The following LGMN variants were observed in gnomAD, a reference collection of about 807,000 sequenced individuals.
LGMN encodes legumain.
Under a neutral mutation model 56.8 loss-of-function variants are expected in LGMN, and 36 were observed. The observed-to-expected ratio is 0.63, with a 90% CI of 0.49 to 0.84. LGMN has a LOEUF of 0.84. Ranked by LOEUF, LGMN falls within the 40% of genes least tolerant of loss-of-function variation. The pLI is 0.00. For synonymous variants in LGMN, 199 were observed against 210.1 expected, an observed-to-expected ratio of 0.95 and a Z score of 0.46; for missense variants, 446 against 556.1, an observed-to-expected ratio of 0.80 and a Z score of 1.99.
chr14:92,709,809 G>C lies in LGMN; in HGVS notation c.883C>G (p.Pro295Ala), dbSNP rs779339486. The C allele has an allele frequency of 6.2e-7, 1 of 1,613,886 alleles. No homozygotes were observed. The highest frequency in any genetic ancestry group is 1.7e-5 in the Admixed American group (1 of 59,980). The change falls in exon 11 of 14, where the codon CCC becomes GCC. Residue 295 changes from proline (P) to alanine (A), a missense_variant. Physicochemically the swap from Pro to Ala is conservative, Grantham distance 27. Transcript: ENST00000334869. ...GMKRKASSPV[P>A]LPPVTHLDLT... ...TCAAGGTGTGTGACTGGAGGTAGGG[G>C]GACGGGAGAACTGGCTTTGCGTTTC...
At chr14:92,718,314 C>G (rs1224133112) in intron 3 of LGMN, among the ~76,000 whole-genome samples, 2 of 152,142 alleles carry the variant, frequency 1.3e-5, no homozygotes, top group African/African-American at 2.4e-5. Flanking sequence ...TGGCTCACAT[C>G]TGTAATCCCA....
Position 92,714,100 on chromosome 14 carries a change from G to A in LGMN, c.481-215C>T, listed in dbSNP as rs919568327. Among the ~76,000 whole-genome samples, 7 of 152,122 alleles carry A rather than the reference G, an allele frequency of 4.6e-5. No individual in the cohort carries two copies. Among genetic ancestry groups the A allele is most frequent in the Admixed American group, 2.6e-4 (4 of 15,266 alleles). On this transcript the variant is annotated intron_variant, in intron 6 of 13. Coordinates refer to ENST00000334869, the MANE Select transcript of LGMN (RefSeq NM_005606.7). The surrounding 1 kb of genome is among the most constrained non-coding windows in gnomAD (Gnocchi z 5.1). ...TACCTCTTCACCCATTACTTTGTCC[G>A]GAGCTTTTGGTCTATTCTCAGGTCT...
chr14:92,742,189 C>G lies in LGMN; in HGVS notation c.-30+6300G>C, dbSNP rs1008903047. Among the ~76,000 whole-genome samples the G allele has an allele frequency of 5.3e-5, 8 of 152,150 alleles. No individual in the cohort carries two copies. The South Asian group carries it at 1.2e-3, about 24-fold the overall frequency. ...TCACCTTGCCCATGGGCTATAAATC[C>G]CCAGCTGACCTTGCCATCCTAGAGC... On this transcript the variant is annotated intron_variant, in intron 1 of 13. Coordinates refer to ENST00000334869, the MANE Select transcript of LGMN (RefSeq NM_005606.7).
At chr14:92,723,120 C>T (rs1890564907) in intron 2 of LGMN, among the ~76,000 whole-genome samples, 1 of 151,574 alleles carries the variant, frequency 6.6e-6, no homozygotes, top group Admixed American at 6.6e-5. Flanking sequence ...GATCTCGGCT[C>T]ACTGCAACCT....
At chr14:92,704,881 G>C in intron 12 of LGMN, 174 bp from the exon 13 acceptor site, 1 of 593,918 alleles carries the variant, frequency 1.7e-6, no homozygotes, top group Non-Finnish European at 3.1e-6. Flanking sequence ...GATCCCTCAG[G>C]AAAGAGGCAC....
In LGMN at chr14:92,717,458, A is replaced by G; in HGVS notation, c.240T>C (p.Asn80=). Reference sequence around the variant, plus strand: ...TGTTGATCACAATTCCTGGAGTGGGATTGCTGAAAATTAAAGGACACAATT... The same window carrying G: ...TGTTGATCACAATTCCTGGAGTGGGGTTGCTGAAAATTAAAGGACACAATT... The part of the protein sequence containing the change: ...MYDDIAYSED[N]PTPGIVINRP... Residue 80 remains asparagine (N), a synonymous_variant, in exon 4 of 14, where the codon AAT becomes AAC. Coordinates refer to ENST00000334869, the MANE Select transcript of LGMN (RefSeq NM_005606.7). The G allele has an allele frequency of 6.2e-7, 1 of 1,610,766 alleles. No homozygotes were observed.
At chr14:92,735,840 A>G (rs1891278952) in intron 1 of LGMN, among the ~76,000 whole-genome samples, 1 of 151,840 alleles carries the variant, frequency 6.6e-6, no homozygotes, top group Non-Finnish European at 1.5e-5. Flanking sequence ...AGTATGGCAC[A>G]TAACAGATAG....
intron 2 of LGMN, among the ~76,000 whole-genome samples, chr14:92,723,078 G>A (rs547324287): frequency 6.7e-6 from 1 of 149,706 alleles, no homozygotes; most frequent in East Asian, 2.0e-4. Flanking sequence ...ACAGAGTCTT[G>A]TTCTGTCGCC....
chr14:92,720,465 C>T (rs1411994847), intron 2 of LGMN, among the ~76,000 whole-genome samples: 1 of 152,080 alleles, frequency 6.6e-6, no homozygotes, highest in African/African-American at 2.4e-5. Context: ...GTCTGGAGTT[C>T]GAGACCAGCC....
intron 1 of LGMN, among the ~76,000 whole-genome samples, chr14:92,743,250 C>G (rs1371121319): frequency 1.3e-5 from 2 of 151,934 alleles, no homozygotes; most frequent in African/African-American, 2.4e-5. Context: ...GCCTGTAATC[C>G]CAGCACTTTG....
Position 92,719,338 on chromosome 14 carries a change from A to G in LGMN, c.139-494T>C, listed in dbSNP as rs367653752. Among the ~76,000 whole-genome samples, 321 of 67,508 alleles carry G rather than the reference A, an allele frequency of 4.8e-3. 12 individuals are homozygous for G. Among genetic ancestry groups the G allele is most frequent in the African/African-American group, 0.018 (263 of 14,472 alleles). The allele number at this position is 67,508 out of a possible 152,430, so 44.3% of individuals were successfully genotyped here. A position where few individuals can be genotyped will look rare whatever the true frequency, so the allele number is the denominator to read the frequency against. On this transcript the variant is annotated intron_variant, in intron 2 of 13. Coordinates refer to ENST00000334869, the MANE Select transcript of LGMN (RefSeq NM_005606.7). ...CGCCGCCGCCGCCACCGCCACCGCC[A>G]TCACCGCCACCACCACCAACACCAC... is the stretch of plus-strand genomic sequence containing the variant.
At chr14:92,728,426 G>A (rs542467469) in intron 2 of LGMN, among the ~76,000 whole-genome samples, 25 of 152,276 alleles carry the variant, frequency 1.6e-4, no homozygotes, top group African/African-American at 5.5e-4. Flanking sequence ...TGTACTGCAC[G>A]TTACTGTCAT....
intron 2 of LGMN, among the ~76,000 whole-genome samples, chr14:92,719,269 G>GCCACCGCCGCCGCCGCCGCCGCCGCCA (rs1400244430): frequency 6.4e-5 from 1 of 15,578 alleles, no homozygotes. Flanking sequence ...CGCCACCGCC[G>GCCACCGCCGCCGCCGCCGCCGCCGCCA]CCGCCGCCAC....
intron 1 of LGMN, among the ~76,000 whole-genome samples, chr14:92,743,790 A>C (rs1346985099): frequency 3.5e-5 from 5 of 144,174 alleles, no homozygotes; most frequent in Non-Finnish European, 7.5e-5. Flanking sequence ...CAGCAGAGGG[A>C]GACTCTGTCT....
At chr14:92,748,369 G>A (rs896748477) in intron 1 of LGMN, 120 bp downstream of exon 1, 7 of 152,404 alleles carry the variant, frequency 4.6e-5, no homozygotes, top group African/African-American at 1.7e-4. Flanking sequence ...TGATTACTCA[G>A]AAAGGGACGG....
chr14:92,709,624 C>A, intron 11 of LGMN, 48 bp downstream of exon 11: 1 of 1,524,212 alleles, frequency 6.6e-7, no homozygotes, highest in Non-Finnish European at 9.1e-7. Flanking sequence ...TGCTGCCCAC[C>A]TGGGCTGGGG....
intron 2 of LGMN, among the ~76,000 whole-genome samples, chr14:92,724,942 G>A (rs574631088): frequency 4.3e-4 from 66 of 152,366 alleles, no homozygotes; most frequent in Admixed American, 1.5e-3. Flanking sequence ...CCGACACACA[G>A]CTGAGCAGTG....
intron 1 of LGMN, chr14:92,743,169 C>T (rs1891645004): frequency 6.6e-6 from 1 of 152,064 alleles, no homozygotes; most frequent in African/African-American, 2.4e-5. Context: ...GTCATTCAGT[C>T]CTTTAAATCC....
At chr14:92,744,674 C>A (rs943179123) in intron 1 of LGMN, among the ~76,000 whole-genome samples, 1 of 150,494 alleles carries the variant, frequency 6.6e-6, no homozygotes, top group Non-Finnish European at 1.5e-5. Context: ...TGGCTCACCA[C>A]AACCTCCACC....
Sources: gnomAD v4.1 joint callset for allele counts (sites outside exome capture counted in the v4.1 genomes callset) on GRCh38, gnomAD v4.1.1 for gene constraint, Gnocchi (gnomAD v3.1) non-coding constraint, MANE v1.5 for transcripts, NCBI Gene and HGNC (gene_info 2026-07-23, HGNC 2026-07-21) for gene names.